ZC3H12B: variants seen among roughly 807,000 people sequenced by gnomAD.
ZC3H12B encodes the protein probable ribonuclease ZC3H12B.
ZC3H12B carries 7 observed loss-of-function variants against 43.9 expected under a neutral mutation model. The ratio of observed to expected loss-of-function variants is 0.16; its 90% CI spans 0.09 to 0.30. The LOEUF (loss-of-function observed/expected upper bound fraction) is 0.30, where lower values mean the gene tolerates loss of function less well. Ranked by LOEUF, ZC3H12B falls within the 10% of genes least tolerant of loss-of-function variation. ZC3H12B has a pLI of 1.00. For missense variants in ZC3H12B, 475 were observed against 670.2 expected (o/e 0.71, Z 3.22); for synonymous variants, 222 against 241.7 (o/e 0.92, Z 0.76).
the ZC3H12B span, among the ~76,000 whole-genome samples, chrX:65,214,246 A>C: frequency 1.8e-5 from 2 of 111,167 alleles, no homozygotes; most frequent in African/African-American, 6.5e-5. Flanking sequence ...ATAAAACAAC[A>C]ATTAAATTTG....
At chrX:65,213,460 G>T in the ZC3H12B span, among the ~76,000 whole-genome samples, 2 of 110,840 alleles carry the variant, frequency 1.8e-5, no homozygotes, top group Non-Finnish European at 3.8e-5. Context: ...TAAAATGCTT[G>T]GGACAAGAAG....
At chrX:65,490,835 A>T (rs972121143) in intron 1 of ZC3H12B, among the ~76,000 whole-genome samples, 7 of 111,381 alleles carry the variant, frequency 6.3e-5, no homozygotes, top group Non-Finnish European at 1.1e-4. Context: ...GCCTTAGTCT[A>T]GCAAGTTTTA....
the ZC3H12B span, among the ~76,000 whole-genome samples, chrX:65,226,794 C>T: frequency 7.2e-5 from 8 of 111,729 alleles, no homozygotes; most frequent in African/African-American, 2.6e-4. Flanking sequence ...AAGACCATTA[C>T]ATAATGGTAA....
intron 2 of ZC3H12B, among the ~76,000 whole-genome samples, chrX:65,389,852 A>C (rs1265321141): frequency 8.9e-6 from 1 of 112,345 alleles, no homozygotes; most frequent in Admixed American, 9.4e-5. Flanking sequence ...AGTGTGGTGA[A>C]TCCTCAAGGA....
At chrX:65,057,331 C>T in the ZC3H12B span, among the ~76,000 whole-genome samples, 1 of 111,373 alleles carries the variant, frequency 9.0e-6, no homozygotes, top group Non-Finnish European at 1.9e-5. Context: ...TTTATTTCTC[C>T]TTCACTTATG....
At chrX:65,264,690 C>A in the ZC3H12B span, among the ~76,000 whole-genome samples, 1 of 111,327 alleles carries the variant, frequency 9.0e-6, no homozygotes, top group African/African-American at 3.3e-5. Context: ...AAACTGAAGT[C>A]CAGAAAAGTG....
At chrX:65,064,651 A>G in the ZC3H12B span, among the ~76,000 whole-genome samples, 1 of 111,724 alleles carries the variant, frequency 9.0e-6, no homozygotes, top group Admixed American at 9.5e-5. Context: ...GTAGATGTCT[A>G]TTAGGTCCAC....
At chrX:65,188,363 T>TC in the ZC3H12B span, among the ~76,000 whole-genome samples, 6 of 106,777 alleles carry the variant, frequency 5.6e-5, no homozygotes, top group Non-Finnish European at 1.2e-4. Context: ...GCTCTATTTT[T>TC]TTTTTTTTTT....
chrX:65,157,849 G>T, the ZC3H12B span, among the ~76,000 whole-genome samples: 1 of 105,231 alleles, frequency 9.5e-6, no homozygotes, highest in African/African-American at 3.4e-5. Context: ...GTATACATGT[G>T]CCATGCTGGT....
At chrX:65,143,130 A>G in the ZC3H12B span, among the ~76,000 whole-genome samples, 3 of 111,426 alleles carry the variant, frequency 2.7e-5, no homozygotes, top group Non-Finnish European at 5.6e-5. Context: ...CTACCTATCT[A>G]TGAGCATGGG....
chrX:65,281,161 T>TA, the ZC3H12B span, among the ~76,000 whole-genome samples: 1 of 108,423 alleles, frequency 9.2e-6, no homozygotes, highest in Non-Finnish European at 1.9e-5. Flanking sequence ...GTACTGGCAT[T>TA]AAAAAAGACA....
At chrX:65,080,201 A>G in the ZC3H12B span, among the ~76,000 whole-genome samples, 3 of 107,442 alleles carry the variant, frequency 2.8e-5, no homozygotes, top group Non-Finnish European at 5.8e-5. Flanking sequence ...AAAAAAAAAA[A>G]CAATGAAGCA....
intron 1 of ZC3H12B, among the ~76,000 whole-genome samples, chrX:65,492,150 G>T (rs1027448894): frequency 1.8e-5 from 2 of 110,800 alleles, no homozygotes; most frequent in East Asian, 2.8e-4. Flanking sequence ...TTTTGGTTTG[G>T]TTTGGTTTGG....
chrX:65,132,729 C>A, the ZC3H12B span, among the ~76,000 whole-genome samples: 1 of 111,236 alleles, frequency 9.0e-6, no homozygotes, highest in Non-Finnish European at 1.9e-5. Context: ...GCTGTCAATA[C>A]CCACAACAGT....
the ZC3H12B span, among the ~76,000 whole-genome samples, chrX:65,232,790 CAT>C: frequency 9.2e-6 from 1 of 109,225 alleles, no homozygotes; most frequent in South Asian, 4.0e-4. Flanking sequence ...AACAAAAAGA[CAT>C]AGAGTGGCTG....
intron 3 of ZC3H12B, among the ~76,000 whole-genome samples, chrX:65,475,162 T>C (rs2067975873): frequency 8.9e-6 from 1 of 112,389 alleles, no homozygotes; most frequent in African/African-American, 3.2e-5. Context: ...ATATTTTGTA[T>C]CCATTAAAAA....
chrX:65,140,522 A>T, the ZC3H12B span, among the ~76,000 whole-genome samples: 1 of 111,605 alleles, frequency 9.0e-6, no homozygotes, highest in Non-Finnish European at 1.9e-5. Context: ...GACTTTTTAC[A>T]TCTATGTTCA....
chrX:65,390,260 G>T (rs2066593722), intron 2 of ZC3H12B, among the ~76,000 whole-genome samples: 1 of 110,461 alleles, frequency 9.1e-6, no homozygotes, highest in Non-Finnish European at 1.9e-5. Context: ...CTGTCATAGG[G>T]TAGGGGGAGG....
At chrX:65,381,515 T>C (rs1415767436) in intron 2 of ZC3H12B, among the ~76,000 whole-genome samples, 1 of 110,338 alleles carries the variant, frequency 9.1e-6, no homozygotes, top group Admixed American at 9.7e-5. Context: ...AGATCCAAAA[T>C]TGACACCCTA....
Sources: allele counts gnomAD v4.1 joint callset (sites outside exome capture counted in the v4.1 genomes callset), GRCh38; gene constraint gnomAD v4.1.1; transcripts MANE v1.5; gene names NCBI Gene and HGNC (gene_info 2026-07-23, HGNC 2026-07-21).